ASIC2: variants seen among roughly 807,000 people sequenced by gnomAD.
ASIC2 encodes acid sensing ion channel subunit 2.
A neutral mutation model predicts 57.3 loss-of-function variants in ASIC2; 25 were observed. The ratio of observed to expected loss-of-function variants is 0.44; its 90% CI spans 0.32 to 0.61. ASIC2 has a LOEUF of 0.61. Among genes scored for constraint, ASIC2 ranks in the 20% least tolerant of loss-of-function variants. The pLI is 0.06. For synonymous variants in ASIC2, 319 were observed against 307.5 expected (o/e 1.04, Z -0.39); for missense variants, 641 against 738.1 (o/e 0.87, Z 1.52).
chr17:33,610,994 C>A (rs1392499928), intron 1 of ASIC2, among the ~76,000 whole-genome samples: 1 of 152,338 alleles, frequency 6.6e-6, no homozygotes, highest in Middle Eastern at 3.4e-3. Context: ...ATCTAGGAAT[C>A]TGGTGGACCA....
chr17:33,187,581 A>G (rs991523284), intron 1 of ASIC2, among the ~76,000 whole-genome samples: 13 of 152,154 alleles, frequency 8.5e-5, no homozygotes, highest in Non-Finnish European at 8.8e-5. Flanking sequence ...ACCTGCACCT[A>G]ATAGAATGTA....
At chr17:33,754,607 C>A (rs2932927) in intron 1 of ASIC2, among the ~76,000 whole-genome samples, 50,787 of 152,092 alleles carry the variant, frequency 0.33, 10,586 homozygotes, top group Non-Finnish European at 0.49. Flanking sequence ...AGAGTATATG[C>A]TCAAACTTCA....
rs567979615 is a variant in ASIC2 at position 33,877,465 on chromosome 17, G to A, written c.555+278513C>T. ...GGTCTTAGCAAATGGCACACCAGGA[G>A]ATTATAACCCATTCCTGGCTCGGAG... On this transcript the variant is annotated intron_variant, in intron 1 of 9. Transcript: ENST00000359872. 2.4e-3 allele frequency among the ~76,000 whole-genome samples: 360 copies of A among 152,352 alleles called. 3 individuals carry two copies. Among genetic ancestry groups the A allele is most frequent in the African/African-American group, 8.2e-3 (343 of 41,584 alleles).
chr17:33,470,991 G>T (rs951060108), intron 1 of ASIC2, among the ~76,000 whole-genome samples: 3 of 141,460 alleles, frequency 2.1e-5, no homozygotes, highest in South Asian at 2.3e-4. Context: ...TTCTGCCTCT[G>T]AGTCTAACCC....
At chr17:33,120,253 CCTT>C in intron 1 of ASIC2, among the ~76,000 whole-genome samples, 2 of 152,318 alleles carry the variant, frequency 1.3e-5, no homozygotes, top group South Asian at 4.1e-4. Context: ...CTGGCAGAGA[CCTT>C]CTAGTCTCCT....
intron 1 of ASIC2, among the ~76,000 whole-genome samples, chr17:33,516,614 G>T (rs1468684022): frequency 6.6e-6 from 1 of 152,176 alleles, no homozygotes; most frequent in Non-Finnish European, 1.5e-5. Flanking sequence ...AACACTTCCA[G>T]GTAAGTCTAG....
At chr17:33,269,782 T>TTCCTTCCTTCCTTCCTTCC (rs1904411528) in intron 1 of ASIC2, among the ~76,000 whole-genome samples, 2 of 112,164 alleles carry the variant, frequency 1.8e-5, no homozygotes, top group Admixed American at 8.5e-5. Context: ...TTCTTTCCTT[T>TTCCTTCCTTCCTTCCTTCC]TTCTAGTTTG....
At chr17:33,754,957 C>CAAAAAAAAA (rs58392305) in intron 1 of ASIC2, among the ~76,000 whole-genome samples, 20 of 57,904 alleles carry the variant, frequency 3.5e-4, no homozygotes, top group Admixed American at 5.1e-4. Context: ...GACTCCATCT[C>CAAAAAAAAA]AAAAAAAAAA....
intron 1 of ASIC2, among the ~76,000 whole-genome samples, chr17:33,363,188 C>A (rs1567836265): frequency 6.6e-6 from 1 of 152,102 alleles, no homozygotes; most frequent in African/African-American, 2.4e-5. Flanking sequence ...CAAAAGACTG[C>A]CATTTTCCAA....
At chr17:33,919,516 TC>T (rs1383297273) in intron 1 of ASIC2, among the ~76,000 whole-genome samples, 1 of 151,910 alleles carries the variant, frequency 6.6e-6, no homozygotes, top group Non-Finnish European at 1.5e-5. Context: ...AAAAATTAAC[TC>T]AAGATGGATT....
At chr17:33,702,062 G>A (rs1028639335) in intron 1 of ASIC2, among the ~76,000 whole-genome samples, 6 of 152,192 alleles carry the variant, frequency 3.9e-5, no homozygotes, top group African/African-American at 1.4e-4. Context: ...CTGGAAGGTG[G>A]TAACTTCTTC....
chr17:33,332,153 T>C (rs1907339611), intron 1 of ASIC2, among the ~76,000 whole-genome samples: 1 of 152,202 alleles, frequency 6.6e-6, no homozygotes, highest in South Asian at 2.1e-4. Flanking sequence ...TACCCGTTCG[T>C]GTTATGAAGA....
chr17:33,599,536 A>C (rs1905072792), intron 1 of ASIC2, among the ~76,000 whole-genome samples: 1 of 152,236 alleles, frequency 6.6e-6, no homozygotes, highest in Non-Finnish European at 1.5e-5. Flanking sequence ...TTGTGTATGT[A>C]GATGACAGCT....
intron 1 of ASIC2, among the ~76,000 whole-genome samples, chr17:33,525,140 G>A (rs1160289364): frequency 1.3e-5 from 2 of 152,118 alleles, no homozygotes; most frequent in African/African-American, 4.8e-5. Flanking sequence ...CCCTCACTGA[G>A]TCCTGTAGTC....
At chr17:33,737,907 A>T (rs938550456) in intron 1 of ASIC2, among the ~76,000 whole-genome samples, 1 of 152,202 alleles carries the variant, frequency 6.6e-6, no homozygotes, top group Admixed American at 6.5e-5. Flanking sequence ...CAACTCTTCT[A>T]CTCATTCCAA....
At chr17:33,951,250 C>T (rs1183963738) in intron 1 of ASIC2, among the ~76,000 whole-genome samples, 1 of 152,100 alleles carries the variant, frequency 6.6e-6, no homozygotes, top group Non-Finnish European at 1.5e-5. Flanking sequence ...TTCACAGTGG[C>T]CCTCGGTGGT....
intron 3 of ASIC2, among the ~76,000 whole-genome samples, chr17:33,075,296 C>A (rs2092085029): frequency 6.6e-6 from 1 of 152,134 alleles, no homozygotes; most frequent in Non-Finnish European, 1.5e-5. Context: ...GATTGTGAGG[C>A]CTCCCTAGAC....
intron 1 of ASIC2, among the ~76,000 whole-genome samples, chr17:33,805,329 A>G (rs1912239381): frequency 6.6e-6 from 1 of 152,174 alleles, no homozygotes; most frequent in Non-Finnish European, 1.5e-5. Context: ...ACTCTTGGAA[A>G]ATATCCCAGG....
At chr17:33,274,087 C>A (rs1006992567) in intron 1 of ASIC2, among the ~76,000 whole-genome samples, 2 of 152,178 alleles carry the variant, frequency 1.3e-5, no homozygotes, top group Admixed American at 1.3e-4. Context: ...GAACTGACAT[C>A]TGTCTGTTTC....
Sources: gnomAD v4.1 joint callset for allele counts (sites outside exome capture counted in the v4.1 genomes callset) on GRCh38, gnomAD v4.1.1 for gene constraint, MANE v1.5 for transcripts, NCBI Gene and HGNC (gene_info 2026-07-23, HGNC 2026-07-21) for gene names.